Variants in OGT observed in about 807,000 individuals in gnomAD.
OGT encodes the protein O-linked N-acetylglucosamine (GlcNAc) transferase.
OGT carries 3 observed loss-of-function variants against 75.8 expected under a neutral mutation model. The ratio of observed to expected loss-of-function variants is 0.04; its 90% CI spans 0.02 to 0.10. OGT has a LOEUF of 0.10. Ranked by LOEUF, OGT falls within the 10% of genes least tolerant of loss-of-function variation. The probability of loss-of-function intolerance (pLI) is 1.00; values close to 1 mark genes in which losing one functional copy is unlikely to be tolerated. For missense variants in OGT, 260 were observed against 824.4 expected, an observed-to-expected ratio of 0.32 and a Z score of 8.38; for synonymous variants, 257 against 289.7, an observed-to-expected ratio of 0.89 and a Z score of 1.15.
At position 71,561,777 on chromosome X, in the gene OGT, T is replaced by G; in HGVS notation, c.1854T>G (p.Ile618Met). The change falls in exon 15 of 22, where the codon ATT becomes ATG. Residue 618 changes from isoleucine (I) to methionine (M), a missense_variant and splice_region_variant. Coordinates refer to ENST00000373719, the MANE Select transcript of OGT (RefSeq NM_181672.3). ...AGTTCTTATTTTGTATTCTGTAGAT[T>G]CCATGCAATGGAAAAGCAGCTGATC... ...EANHFIDLSQIPCNGKAADRI... is the reference protein window; with the variant it reads ...EANHFIDLSQMPCNGKAADRI... The G allele has an allele frequency of 8.4e-7, 1 of 1,196,882 alleles. No homozygotes were observed. Among genetic ancestry groups the G allele is most frequent in the Non-Finnish European group, 1.1e-6 (1 of 887,076 alleles).
In OGT at chrX:71,555,105, C is replaced by CT. The variant is rs199918298; in HGVS notation, c.729-85_729-84insT. 3.4e-3 allele frequency: 2,421 copies of CT among 719,008 alleles called. 34 individuals carry two copies. In the African/African-American group the frequency reaches 0.045, roughly 13 times the overall value. The allele number at this position is 719,008 out of a possible 1,213,427, so 59.3% of individuals were successfully genotyped here. On this transcript the variant is annotated intron_variant, in intron 6 of 21. Coordinates refer to ENST00000373719, the MANE Select transcript of OGT (RefSeq NM_181672.3). The stretch of plus-strand genomic sequence containing the variant: ...ATAGTACAGCTTGAATGAGTTGTAA[C>CT]AAACCATCCATTAAGCATGAGTTAC...
intron 17 of OGT, 30 bp from the exon 18 acceptor site, chrX:71,563,299 C>A (rs1220532599): frequency 5.0e-6 from 6 of 1,202,532 alleles, no homozygotes; most frequent in Non-Finnish European, 6.7e-6. Context: ...CATTCACGAT[C>A]TTTTCCCTAA....
At chrX:71,556,243 T>G in intron 8 of OGT, 149 bp downstream of exon 8, 1 of 588,770 alleles carries the variant, frequency 1.7e-6, no homozygotes, top group Non-Finnish European at 2.6e-6. Context: ...ACCTAAGGTA[T>G]GATGTGAGGC....
chrX:71,572,963 A>G (rs780472121), intron 21 of OGT, among the ~76,000 whole-genome samples: 1 of 111,713 alleles, frequency 9.0e-6, no homozygotes, highest in African/African-American at 3.2e-5. Context: ...GAACAGAACC[A>G]TACTCTTGGT....
chrX:71,560,697 T>C (rs1351161540), intron 14 of OGT, among the ~76,000 whole-genome samples: 3 of 111,944 alleles, frequency 2.7e-5, no homozygotes, highest in African/African-American at 9.7e-5. Flanking sequence ...GCAGTATAGC[T>C]GTTGCTTCAA....
At position 71,563,206 on chromosome X, in the gene OGT, A is replaced by C. The variant is rs2040395512; in HGVS notation, c.2225A>C (p.Lys742Thr). The change falls in exon 17 of 22, where the codon AAA becomes ACA. Residue 742 changes from lysine (K) to threonine (T), a missense_variant. Around this residue, in one of 6 missense-constraint regions of OGT, gnomAD observed 79 missense variants for 141.0 expected, o/e 0.56. Transcript: ENST00000373719. Reference protein sequence around the residue: ...NRIVLNGIDLKAFLDSLPDVK... With the variant: ...NRIVLNGIDLTAFLDSLPDVK... ...ATAGTTCTGAATGGCATCGACCTCA[A>C]AGCATTTCTTGATAGTCTACCAGAT... 1 of 1,209,783 alleles carries C rather than the reference A, an allele frequency of 8.3e-7. No homozygotes were observed. Among genetic ancestry groups the C allele is most frequent in the Non-Finnish European group, 1.1e-6 (1 of 894,710 alleles).
chrX:71,533,900 G>A (rs772794900), intron 1 of OGT, among the ~76,000 whole-genome samples: 1 of 111,838 alleles, frequency 8.9e-6, no homozygotes, highest in South Asian at 3.8e-4. Context: ...ACCTCGAGAA[G>A]AGGGGACATT....
intron 1 of OGT, among the ~76,000 whole-genome samples, chrX:71,535,941 A>G (rs1327227063): frequency 2.7e-5 from 3 of 112,142 alleles, no homozygotes; most frequent in Non-Finnish European, 3.8e-5. Flanking sequence ...ATGGAAGTAA[A>G]TATTCCTTTC....
intron 21 of OGT, among the ~76,000 whole-genome samples, chrX:71,570,159 G>A (rs904827855): frequency 3.9e-5 from 4 of 101,966 alleles, no homozygotes; most frequent in Non-Finnish European, 7.8e-5. Flanking sequence ...TCCTGCCTCA[G>A]CCTCCTGAGT....
chrX:71,563,696 T>TA (rs748566640), intron 18 of OGT, among the ~76,000 whole-genome samples, 197 bp downstream of exon 18: 1 of 112,252 alleles, frequency 8.9e-6, no homozygotes, highest in East Asian at 2.8e-4. Flanking sequence ...GATTATTACT[T>TA]ACTGAGAAAC....
intron 1 of OGT, 81 bp downstream of exon 1, chrX:71,533,417 CCTTCCCTCG>C (rs2040149059): frequency 2.2e-6 from 2 of 899,762 alleles, no homozygotes; most frequent in Admixed American, 5.3e-5. Flanking sequence ...TCCTTCCCTC[CCTTCCCTCG>C]AACCATCCCC....
intron 6 of OGT, 94 bp downstream of exon 6, chrX:71,554,686 G>A (rs756174462): frequency 1.3e-4 from 88 of 680,163 alleles, no homozygotes; most frequent in Non-Finnish European, 2.0e-4. Context: ...GTCCATTGAA[G>A]CATATTTGCC....
intron 3 of OGT, among the ~76,000 whole-genome samples, chrX:71,542,221 A>G (rs958835270): frequency 1.8e-5 from 2 of 112,115 alleles, no homozygotes; most frequent in African/African-American, 3.2e-5. Context: ...ATAATTGTCA[A>G]AAACATTTTG....
At chrX:71,535,004 T>A (rs1177924347) in intron 1 of OGT, among the ~76,000 whole-genome samples, 2 of 111,683 alleles carry the variant, frequency 1.8e-5, no homozygotes, top group Non-Finnish European at 3.8e-5. Context: ...GGGCTCAAAT[T>A]TGAACTAGTC....
chrX:71,554,160 G>A, intron 5 of OGT, among the ~76,000 whole-genome samples: 1 of 111,857 alleles, frequency 8.9e-6, no homozygotes, highest in Non-Finnish European at 1.9e-5. Flanking sequence ...TTTTCAGTAA[G>A]AGTTTGCTGC....
At chrX:71,569,400 G>A (rs1465780753) in intron 21 of OGT, among the ~76,000 whole-genome samples, 1 of 112,325 alleles carries the variant, frequency 8.9e-6, no homozygotes, top group Non-Finnish European at 1.9e-5. Flanking sequence ...AATAAACAAA[G>A]CATAACTTAA....
At chrX:71,559,482 T>C (rs1454739385) in intron 13 of OGT, 57 bp downstream of exon 13, 1 of 1,149,632 alleles carries the variant, frequency 8.7e-7, no homozygotes, top group Non-Finnish European at 1.2e-6. Context: ...AAACCCACAA[T>C]GTTGGCTTGT....
chrX:71,573,812 G>C lies in OGT; in HGVS notation c.*18G>C, dbSNP rs1467957499. On this transcript the variant is annotated 3_prime_UTR_variant, in exon 22 of 22. Coordinates refer to ENST00000373719, the MANE Select transcript of OGT (RefSeq NM_181672.3). ...CAGCATAAATAAAGACTGCACAGGA[G>C]AATTACCCCTATACCTGAGCCTCAA... 1.7e-6 allele frequency: 2 copies of C among 1,152,140 alleles called. No individual in the cohort carries two copies. The highest frequency in any genetic ancestry group is 1.8e-5 in the African/African-American group (1 of 55,630). The allele number at this position is 1,152,140 out of a possible 1,213,427, so 94.9% of individuals were successfully genotyped here.
chrX:71,574,017 C>T lies in OGT; in HGVS notation c.*223C>T, dbSNP rs1022282431. The stretch of plus-strand genomic sequence containing the variant: ...CACAAGGAATCTCCGTAGAATTTTG[C>T]GGCGACCAGATGGTGCATAGGTCTG... On this transcript the variant is annotated 3_prime_UTR_variant, in exon 22 of 22. Coordinates refer to ENST00000373719, the MANE Select transcript of OGT (RefSeq NM_181672.3). 2.5e-5 allele frequency: 7 copies of T among 284,992 alleles called. No homozygotes were observed. Among genetic ancestry groups the T allele is most frequent in the East Asian group, 5.8e-5 (1 of 17,380 alleles). The allele number at this position is 284,992 out of a possible 1,213,427, so 23.5% of individuals were successfully genotyped here. A position where few individuals can be genotyped will look rare whatever the true frequency, so the allele number is the denominator to read the frequency against.
Sources: gnomAD v4.1 joint callset for allele counts (sites outside exome capture counted in the v4.1 genomes callset) on GRCh38, gnomAD v4.1.1 for gene constraint, gnomAD v4.1.1 regional missense constraint, MANE v1.5 for transcripts, NCBI Gene and HGNC (gene_info 2026-07-23, HGNC 2026-07-21) for gene names.